The following KRT6B variants were observed in gnomAD, a reference collection of about 807,000 sequenced individuals.
KRT6B encodes keratin 6B, also known as keratin, type II cytoskeletal 6B.
KRT6B carries 29 observed loss-of-function variants against 44.7 expected under a neutral mutation model. The observed-to-expected ratio is 0.65, with a 90% CI of 0.48 to 0.88. KRT6B has a LOEUF of 0.88. Ranked by LOEUF, KRT6B falls within the 40% of genes least tolerant of loss-of-function variation. The pLI is 0.00. For synonymous variants in KRT6B, 213 were observed against 296.0 expected (o/e 0.72, Z 2.88); for missense variants, 600 against 724.0 (o/e 0.83, Z 1.97).
Position 52,450,630 on chromosome 12 carries a change from A to G in KRT6B, c.541-10T>C. 2 of 1,614,092 alleles carry G rather than the reference A, an allele frequency of 1.2e-6. No homozygotes were observed. The highest frequency in any genetic ancestry group is 1.7e-6 in the Non-Finnish European group (2 of 1,179,954). On this transcript the variant is annotated splice_polypyrimidine_tract_variant and intron_variant, in intron 1 of 8. Coordinates refer to ENST00000252252, the MANE Select transcript of KRT6B (RefSeq NM_005555.4). ...GCTCTAGGAACCGCACCTGGAGGGG[A>G]AGCAAAATGGTCATTTTCCAGGAAA...
Position 52,447,459 on chromosome 12 carries a change from C to G in KRT6B, c.1460-34G>C, listed in dbSNP as rs767593953. The G allele has an allele frequency of 3.1e-6, 5 of 1,613,996 alleles. No homozygotes were observed. The East Asian group carries it at 1.1e-4, about 36-fold the overall frequency. On this transcript the variant is annotated intron_variant, in intron 8 of 8. Transcript: ENST00000252252. ...GGGAGGGGACAAGGACACAAGAAGC[C>G]ACAATGAGTTCATCCTGCCGGCCTG...
At position 52,450,470 on chromosome 12, in the gene KRT6B, C is replaced by T. The variant is rs746866169; in HGVS notation, c.691G>A (p.Glu231Lys). Reference protein sequence around the residue: ...LRRQLDNIVGERGRLDSELRN... With the variant: ...LRRQLDNIVGKRGRLDSELRN... ...AGCTCCGAGTCCAGACGACCCCGTT[C>T]CCCCACGATGTTGTCCAGCTGCCTC... The change falls in exon 2 of 9, where the codon GAA becomes AAA. Residue 231 changes from glutamate (E) to lysine (K), a missense_variant. By Grantham distance (56) the Glu-to-Lys change is moderately conservative (BLOSUM62 1). This residue lies in a region of KRT6B where 479 missense variants were observed against 454.2 expected (regional missense o/e 1.05). Transcript: ENST00000252252. The T allele has an allele frequency of 4.3e-6, 7 of 1,614,104 alleles. No homozygotes were observed. The highest frequency in any genetic ancestry group is 1.6e-4 in the Middle Eastern group (1 of 6,084).
In KRT6B at chr12:52,449,527, T is replaced by C; in HGVS notation, c.1019A>G (p.Gln340Arg). 1.9e-6 allele frequency: 3 copies of C among 1,614,192 alleles called. No individual in the cohort carries two copies. Among genetic ancestry groups the C allele is most frequent in the Non-Finnish European group, 2.5e-6 (3 of 1,180,042 alleles). Reference sequence around the variant, plus strand: ...GCTCCTCTGAGCAATCTCCTCATATTGGGCCTTGACCTCAGCGATGATGCT... The same window carrying C: ...GCTCCTCTGAGCAATCTCCTCATATCGGGCCTTGACCTCAGCGATGATGCT... ...LDSIIAEVKA[Q>R]YEEIAQRSRA... is the part of the protein sequence containing the mutation. The change falls in exon 5 of 9, where the codon CAA becomes CGA. Residue 340 changes from glutamine (Q) to arginine (R), a missense_variant. By Grantham distance (43) the Gln-to-Arg change is conservative. This residue lies in a region of KRT6B where 479 missense variants were observed against 454.2 expected (regional missense o/e 1.05). Transcript: ENST00000252252.
rs747149723 is a variant in KRT6B, at chr12:52,449,586, T to C, written c.960A>G (p.Leu320=). The change falls in exon 5 of 9, where the codon CTA becomes CTG. Residue 320 remains leucine (L), a synonymous_variant. Transcript: ENST00000252252. ...CCAGGTTGCGGTTGTTGTCCATGGATAGCACCACGGATGTGTCTGAGATGT... is the reference window on the plus strand; with the variant it reads ...CCAGGTTGCGGTTGTTGTCCATGGACAGCACCACGGATGTGTCTGAGATGT... ...QTHISDTSVV[L]SMDNNRNLDL... The C allele has an allele frequency of 9.9e-6, 16 of 1,614,096 alleles. No homozygotes were observed. Among genetic ancestry groups the C allele is most frequent in the East Asian group, 4.5e-5 (2 of 44,890 alleles).
At chr12:52,451,247 C>T (rs1172367843) in intron 1 of KRT6B, among the ~76,000 whole-genome samples, 1 of 150,638 alleles carries the variant, frequency 6.6e-6, no homozygotes, top group African/African-American at 2.5e-5. Context: ...ATCTCTTAAA[C>T]ACTTCAGAGG....
intron 2 of KRT6B, 94 bp from the exon 3 acceptor site, chr12:52,450,166 A>T: frequency 6.2e-7 from 1 of 1,608,174 alleles, no homozygotes; most frequent in Non-Finnish European, 8.5e-7. Context: ...AATGGAATAT[A>T]TTCTAATTGA....
Position 52,449,940 on chromosome 12 carries a change from C to T in KRT6B, c.816+72G>A, listed in dbSNP as rs1182023439. On this transcript the variant is annotated intron_variant, in intron 3 of 8. Coordinates refer to ENST00000252252, the MANE Select transcript of KRT6B (RefSeq NM_005555.4). ...TAGTCCTCCTGCCAATTCTCCTCTC[C>T]CAGGGGAGCGAGGACACAGAGCCAC... is the stretch of plus-strand genomic sequence containing the variant. 2.5e-6 allele frequency: 4 copies of T among 1,613,704 alleles called. No individual in the cohort carries two copies. In the East Asian group the frequency reaches 8.9e-5, roughly 36 times the overall value.
rs71453294 is a variant in KRT6B, at chr12:52,450,626, G to A, written c.541-6C>T. 20 of 1,613,932 alleles carry A rather than the reference G, an allele frequency of 1.2e-5. No individual in the cohort carries two copies. In the South Asian group the frequency reaches 1.6e-4, roughly 13 times the overall value. On this transcript the variant is annotated splice_region_variant and splice_polypyrimidine_tract_variant and intron_variant, in intron 1 of 8. Transcript: ENST00000252252. ...TGCTGCTCTAGGAACCGCACCTGGA[G>A]GGGAAGCAAAATGGTCATTTTCCAG...
Position 52,451,867 on chromosome 12 carries a change from G to A in KRT6B, c.212C>T (p.Ser71Phe), listed in dbSNP as rs1203794781. Reference sequence around the variant, plus strand: ...GATGGCACAGCTGCCCCCTCCAATGGAGATCCTCTTGGAGCCCCCCAGGCC... The same window carrying A: ...GATGGCACAGCTGCCCCCTCCAATGAAGATCCTCTTGGAGCCCCCCAGGCC... ...LYGLGGSKRI[S>F]IGGGSCAISG... Residue 71 changes from serine (S) to phenylalanine (F), a missense_variant, in exon 1 of 9, where the codon TCC (serine) becomes TTC (phenylalanine). By Grantham distance (155) the Ser-to-Phe change is radical. Around this residue, in one of 4 missense-constraint regions of KRT6B, gnomAD observed 78 missense variants for 97.5 expected, o/e 0.80. Transcript: ENST00000252252. The A allele has an allele frequency of 6.2e-7, 1 of 1,612,232 alleles. No homozygotes were observed. The highest frequency in any genetic ancestry group is 2.2e-5 in the East Asian group (1 of 44,880).
At position 52,447,621 on chromosome 12, in the gene KRT6B, G is replaced by A. The variant is rs1326717633; in HGVS notation, c.1425-48C>T. ...GGTGAGACCTTCCCTGGACGAGCAT[G>A]GGAAGCCTCAGTGGGTGGGAAAGTC... On this transcript the variant is annotated intron_variant, in intron 7 of 8. Transcript: ENST00000252252. 2.5e-6 allele frequency: 4 copies of A among 1,613,896 alleles called. No individual in the cohort carries two copies. The Admixed American group carries it at 5.0e-5, about 20-fold the overall frequency.
At chr12:52,449,052 A>G (rs1940356279) in intron 5 of KRT6B, 85 bp from the exon 6 acceptor site, 53 of 1,526,340 alleles carry the variant, frequency 3.5e-5, no homozygotes, top group Non-Finnish European at 4.7e-5. Context: ...CATGAATGTC[A>G]TGAAGTGGAC....
intron 4 of KRT6B, 59 bp downstream of exon 4, chr12:52,449,699 C>T (rs1025301155): frequency 8.2e-5 from 132 of 1,614,084 alleles, no homozygotes; most frequent in Non-Finnish European, 9.2e-5. Flanking sequence ...CAGCCCTGTA[C>T]ATCTTCTCCC....
Position 52,446,843 on chromosome 12 carries a change from ATT to A in KRT6B, c.*345_*346del. 2.8e-6 allele frequency: 1 copy of A among 359,076 alleles called. No individual in the cohort carries two copies. Among genetic ancestry groups the A allele is most frequent in the Non-Finnish European group, 5.2e-6 (1 of 193,420 alleles). The allele number at this position is 359,076 out of a possible 1,614,324, so 22.2% of individuals were successfully genotyped here. On this transcript the variant is annotated 3_prime_UTR_variant, in exon 9 of 9. Coordinates refer to ENST00000252252, the MANE Select transcript of KRT6B (RefSeq NM_005555.4). ...GCTATAATGGGCAGGATGGTTAGCA[ATT>A]AAAGAGAGGACTCCTCATCTGCAGC...
chr12:52,451,363 T>C (rs997920453), intron 1 of KRT6B, among the ~76,000 whole-genome samples, 176 bp downstream of exon 1: 1 of 149,716 alleles, frequency 6.7e-6, no homozygotes, highest in Non-Finnish European at 1.5e-5. Context: ...AGATATCCCA[T>C]GGGGGAGTGA....
intron 8 of KRT6B, 26 bp from the exon 9 acceptor site, chr12:52,447,451 C>A: frequency 1.2e-6 from 2 of 1,613,956 alleles, no homozygotes; most frequent in Non-Finnish European, 1.7e-6. Context: ...GACAAGGACA[C>A]AAGAAGCCAC....
chr12:52,448,262 C>G lies in KRT6B; in HGVS notation c.1204-264G>C, dbSNP rs1288250197. Reference sequence around the variant, plus strand: ...GGAAGATGCCACAGTGGACACAAGACCAAGGACATTAAGTGTTGGCTCCAA... The same window carrying G: ...GGAAGATGCCACAGTGGACACAAGAGCAAGGACATTAAGTGTTGGCTCCAA... On this transcript the variant is annotated intron_variant, in intron 6 of 8. Transcript: ENST00000252252. Among the ~76,000 whole-genome samples the G allele has an allele frequency of 2.0e-5, 3 of 152,166 alleles. No homozygotes were observed. The East Asian group carries it at 5.8e-4, about 29-fold the overall frequency.
chr12:52,449,544 G>C lies in KRT6B; in HGVS notation c.1002C>G (p.Ile334Met), dbSNP rs759996259. The C allele has an allele frequency of 6.2e-7, 1 of 1,614,178 alleles. No individual in the cohort carries two copies. The highest frequency in any genetic ancestry group is 2.2e-5 in the East Asian group (1 of 44,882). Residue 334 changes from isoleucine (I) to methionine (M), a missense_variant, in exon 5 of 9, where the codon ATC becomes ATG. This residue lies in a region of KRT6B where 479 missense variants were observed against 454.2 expected (regional missense o/e 1.05). Coordinates refer to ENST00000252252, the MANE Select transcript of KRT6B (RefSeq NM_005555.4). ...NNRNLDLDSI[I>M]AEVKAQYEEI... ...CCTCATATTGGGCCTTGACCTCAGC[G>C]ATGATGCTGTCCAGGTCCAGGTTGC... is the stretch of plus-strand genomic sequence containing the variant.
intron 5 of KRT6B, 33 bp downstream of exon 5, chr12:52,449,436 G>C: frequency 6.2e-7 from 1 of 1,614,160 alleles, no homozygotes; most frequent in Non-Finnish European, 8.5e-7. Context: ...ATGGACACAA[G>C]GATTCCTCAG....
intron 5 of KRT6B, 111 bp downstream of exon 5, chr12:52,449,358 G>T (rs1940361011): frequency 6.7e-7 from 1 of 1,502,200 alleles, no homozygotes; most frequent in Non-Finnish European, 9.3e-7. Context: ...TGCATGTCCT[G>T]TGAGAGGACC....
Sources: gnomAD v4.1 joint callset for allele counts (sites outside exome capture counted in the v4.1 genomes callset) on GRCh38, gnomAD v4.1.1 for gene constraint, gnomAD v4.1.1 regional missense constraint, MANE v1.5 for transcripts, NCBI Gene and HGNC (gene_info 2026-07-23, HGNC 2026-07-21) for gene names.